SDK2: variants seen among roughly 807,000 people sequenced by gnomAD.
The protein encoded by SDK2 is sidekick cell adhesion molecule 2, also known as protein sidekick-2.
SDK2 carries 105 observed loss-of-function variants against 253.9 expected under a neutral mutation model. The observed-to-expected ratio is 0.41, with a 90% CI of 0.35 to 0.49. The LOEUF is 0.49. SDK2 is among the 20% of genes least tolerant of loss of function. The pLI is 0.06. For missense variants in SDK2, 2,608 were observed against 3,003.0 expected (o/e 0.87, Z 3.07); for synonymous variants, 1,249 against 1,234.9 (o/e 1.01, Z -0.24).
intron 1 of SDK2, among the ~76,000 whole-genome samples, chr17:73,514,785 T>C (rs1345052297): frequency 2.6e-5 from 4 of 152,174 alleles, no homozygotes; most frequent in Non-Finnish European, 4.4e-5. Context: ...GGGTGGGAGC[T>C]GGGATTTCTA....
intron 27 of SDK2, 97 bp downstream of exon 27, chr17:73,393,463 T>C (rs2062945121): frequency 4.3e-6 from 5 of 1,167,612 alleles, no homozygotes; most frequent in Non-Finnish European, 5.8e-6. Context: ...TGGCTCCCTG[T>C]GGGGCAGAGC....
chr17:73,366,427 G>A (rs1195576557), intron 37 of SDK2, among the ~76,000 whole-genome samples: 2 of 151,980 alleles, frequency 1.3e-5, no homozygotes, highest in East Asian at 1.9e-4. Context: ...GGAGGGAAAG[G>A]GTTCCCTGGA....
chr17:73,551,889 T>C (rs995830537), intron 1 of SDK2, among the ~76,000 whole-genome samples: 2 of 152,176 alleles, frequency 1.3e-5, no homozygotes, highest in African/African-American at 4.8e-5. Context: ...GCTTCCCTTC[T>C]GTCTCCAACC....
intron 1 of SDK2, among the ~76,000 whole-genome samples, chr17:73,555,071 C>A (rs867588866): frequency 1.2e-4 from 19 of 152,236 alleles, no homozygotes; most frequent in Admixed American, 6.5e-5. Flanking sequence ...CAGCGCCAAT[C>A]CCCATCTCCA....
chr17:73,423,781 A>G (rs889460432), intron 13 of SDK2, 135 bp downstream of exon 13: 4 of 803,702 alleles, frequency 5.0e-6, no homozygotes, highest in Non-Finnish European at 7.6e-6. Context: ...TGCTGGGGGT[A>G]TGTCCTGAGC....
At chr17:73,557,448 G>A (rs373524177) in intron 1 of SDK2, among the ~76,000 whole-genome samples, 1 of 152,134 alleles carries the variant, frequency 6.6e-6, no homozygotes, top group Middle Eastern at 3.4e-3. Context: ...GATTACAGGT[G>A]TGTACCACCA....
intron 2 of SDK2, among the ~76,000 whole-genome samples, chr17:73,473,247 G>A (rs997624935): frequency 2.0e-5 from 3 of 152,210 alleles, no homozygotes; most frequent in African/African-American, 7.2e-5. Context: ...GGGAGCAGGT[G>A]TATGTACATT....
At chr17:73,441,094 C>G (rs976021085) in intron 5 of SDK2, among the ~76,000 whole-genome samples, 171 bp from the exon 6 acceptor site, 1 of 152,144 alleles carries the variant, frequency 6.6e-6, no homozygotes, top group Non-Finnish European at 1.5e-5. Context: ...ACTACCTGAT[C>G]CCTCTACTTC....
intron 33 of SDK2, among the ~76,000 whole-genome samples, chr17:73,382,692 G>A (rs2062840628): frequency 6.6e-6 from 1 of 152,236 alleles, no homozygotes; most frequent in Non-Finnish European, 1.5e-5. Context: ...GATGCGAGTG[G>A]CTGATTTACT....
chr17:73,592,282 G>A (rs887998319), intron 1 of SDK2, among the ~76,000 whole-genome samples: 3 of 152,242 alleles, frequency 2.0e-5, no homozygotes, highest in Admixed American at 6.5e-5. Flanking sequence ...CCATCATGCC[G>A]AAATTAGAGG....
chr17:73,569,122 C>T (rs543034600), intron 1 of SDK2, among the ~76,000 whole-genome samples: 1 of 152,146 alleles, frequency 6.6e-6, no homozygotes, highest in East Asian at 1.9e-4. Context: ...CACCTAAGAT[C>T]ACACAGCTAG....
intron 1 of SDK2, among the ~76,000 whole-genome samples, chr17:73,567,612 G>A (rs1384675688): frequency 6.6e-6 from 1 of 152,246 alleles, no homozygotes; most frequent in Non-Finnish European, 1.5e-5. Context: ...AGCCAGGGGG[G>A]CTGTGCCTTA....
At chr17:73,432,045 C>A (rs1294496140) in intron 10 of SDK2, among the ~76,000 whole-genome samples, 1 of 152,026 alleles carries the variant, frequency 6.6e-6, no homozygotes, top group Non-Finnish European at 1.5e-5. Context: ...GGCGGGGGGA[C>A]AGCTCTGACA....
chr17:73,362,305 A>G (rs1452366277), intron 38 of SDK2, among the ~76,000 whole-genome samples: 2 of 151,998 alleles, frequency 1.3e-5, no homozygotes, highest in African/African-American at 2.4e-5. Flanking sequence ...AGTTGCGGGG[A>G]CACACTTTTG....
chr17:73,429,255 T>C lies in SDK2; in HGVS notation c.1583+1256A>G, dbSNP rs1010074887. On this transcript the variant is annotated intron_variant, in intron 12 of 44. Coordinates refer to ENST00000392650, the MANE Select transcript of SDK2 (RefSeq NM_001144952.2). ...GTGGGTTCTCTCCCAGGACCTTTTT[T>C]ACAGTTGGTATGTTAATTTTTTAAG... Among the ~76,000 whole-genome samples the C allele has an allele frequency of 7.2e-5, 11 of 152,316 alleles. No individual in the cohort carries two copies. The South Asian group carries it at 2.1e-3, about 29-fold the overall frequency.
intron 1 of SDK2, among the ~76,000 whole-genome samples, chr17:73,539,681 G>A (rs2044834546): frequency 6.6e-6 from 1 of 152,206 alleles, no homozygotes; most frequent in African/African-American, 2.4e-5. Flanking sequence ...CTCAGTCCTG[G>A]GACCTGTGAA....
rs561111191 is a variant in SDK2 at position 73,495,830 on chromosome 17, G to A, written c.224+11608C>T. 4.5e-4 allele frequency among the ~76,000 whole-genome samples: 69 copies of A among 152,212 alleles called. 1 individual carries two copies. The South Asian group carries it at 7.9e-3, about 17-fold the overall frequency. ...TGAGGATTTCGCCATTTCCAAACTC[G>A]TTAACTTTTAATTACTACCTTCCCT... On this transcript the variant is annotated intron_variant, in intron 2 of 44. Transcript: ENST00000392650.
chr17:73,387,640 AGAGT>A (rs1280289850), intron 30 of SDK2, among the ~76,000 whole-genome samples, 192 bp downstream of exon 30: 2 of 152,230 alleles, frequency 1.3e-5, no homozygotes, highest in Non-Finnish European at 2.9e-5. Flanking sequence ...CAGAGGGAAC[AGAGT>A]GAGGAAGAGC....
At chr17:73,484,238 C>A (rs1306782423) in intron 2 of SDK2, among the ~76,000 whole-genome samples, 1 of 152,102 alleles carries the variant, frequency 6.6e-6, no homozygotes, top group African/African-American at 2.4e-5. Context: ...AGAAAGAAAC[C>A]AAATTAAGAC....
Sources: gnomAD v4.1 joint callset for allele counts (sites outside exome capture counted in the v4.1 genomes callset) on GRCh38, gnomAD v4.1.1 for gene constraint, MANE v1.5 for transcripts, NCBI Gene and HGNC (gene_info 2026-07-23, HGNC 2026-07-21) for gene names.